Variants in GUCY1A2 observed in about 807,000 individuals in gnomAD.
GUCY1A2 encodes guanylate cyclase soluble subunit alpha-2.
A neutral mutation model predicts 63.5 loss-of-function variants in GUCY1A2; 27 were observed. The observed-to-expected ratio is 0.43, with a 90% CI of 0.31 to 0.59. The LOEUF (loss-of-function observed/expected upper bound fraction) is 0.59, where lower values mean the gene tolerates loss of function less well. Ranked by LOEUF, GUCY1A2 falls within the 20% of genes least tolerant of loss-of-function variation. The pLI, the probability that GUCY1A2 is intolerant of heterozygous loss-of-function variation, is 0.11. For missense variants in GUCY1A2, 768 were observed against 913.3 expected (o/e 0.84, Z 2.05); for synonymous variants, 364 against 343.5 (o/e 1.06, Z -0.66).
intron 4 of GUCY1A2, among the ~76,000 whole-genome samples, chr11:106,873,632 T>C (rs1299722017): frequency 6.6e-6 from 1 of 152,174 alleles, no homozygotes; most frequent in Non-Finnish European, 1.5e-5. Context: ...TTTTTTCTTG[T>C]AAATTTGTTT....
At chr11:106,813,159 C>A (rs1858786953) in intron 4 of GUCY1A2, among the ~76,000 whole-genome samples, 1 of 151,892 alleles carries the variant, frequency 6.6e-6, no homozygotes, top group Non-Finnish European at 1.5e-5. Context: ...GGTTTTATTG[C>A]ATCTTACATC....
chr11:106,791,057 G>A (rs1864650260), intron 5 of GUCY1A2, among the ~76,000 whole-genome samples: 1 of 152,144 alleles, frequency 6.6e-6, no homozygotes, highest in Admixed American at 6.5e-5. Flanking sequence ...ACTAAAACTT[G>A]CAGTACTTGT....
intron 6 of GUCY1A2, among the ~76,000 whole-genome samples, chr11:106,731,019 C>T (rs1258421999): frequency 6.6e-6 from 1 of 151,864 alleles, no homozygotes; most frequent in African/African-American, 2.4e-5. Flanking sequence ...AGATATTAGA[C>T]CTTATATTTT....
At chr11:106,810,799 C>T (rs542248427) in intron 4 of GUCY1A2, among the ~76,000 whole-genome samples, 2 of 152,102 alleles carry the variant, frequency 1.3e-5, no homozygotes, top group South Asian at 4.2e-4. Flanking sequence ...GTTTATGAGC[C>T]AATTCAAAAG....
At chr11:106,863,566 G>C (rs1386154764) in intron 4 of GUCY1A2, among the ~76,000 whole-genome samples, 1 of 151,864 alleles carries the variant, frequency 6.6e-6, no homozygotes, top group Non-Finnish European at 1.5e-5. Context: ...CTGATGTCAG[G>C]TAGCACGCCT....
chr11:106,839,430 C>T (rs962432223), intron 4 of GUCY1A2, among the ~76,000 whole-genome samples: 15 of 151,630 alleles, frequency 9.9e-5, no homozygotes, highest in Non-Finnish European at 1.5e-4. Flanking sequence ...ACCAGTTCAA[C>T]CGTTGTGGAA....
chr11:106,769,318 G>A lies in GUCY1A2; in HGVS notation c.1836+7121C>T, dbSNP rs114077963. ...AAAAACGGTATGAAAAATTTTGTCAGACAAATGGAACTGCAAAACACTATA... is the reference window on the plus strand; with the variant it reads ...AAAAACGGTATGAAAAATTTTGTCAAACAAATGGAACTGCAAAACACTATA... On this transcript the variant is annotated intron_variant, in intron 6 of 7. Coordinates refer to ENST00000526355, the MANE Select transcript of GUCY1A2 (RefSeq NM_000855.3). 6.3e-3 allele frequency among the ~76,000 whole-genome samples: 956 copies of A among 152,154 alleles called. 11 individuals carry two copies. The highest frequency in any genetic ancestry group is 0.022 in the African/African-American group (904 of 41,528).
chr11:106,952,477 G>A (rs968450952), intron 3 of GUCY1A2, among the ~76,000 whole-genome samples: 8 of 151,898 alleles, frequency 5.3e-5, no homozygotes, highest in Non-Finnish European at 1.2e-4. Context: ...TGTATTCCTA[G>A]GTATTTTATT....
rs669844 is a variant in GUCY1A2, at chr11:106,696,409, C to G, written c.1992-8653G>C. ...ATTTTTCACTTCTCTGACCAAAAGTCTTTCTTAAAAACAAGTTCATCATTG... is the reference window on the plus strand; with the variant it reads ...ATTTTTCACTTCTCTGACCAAAAGTGTTTCTTAAAAACAAGTTCATCATTG... On this transcript the variant is annotated intron_variant, in intron 7 of 7. Transcript: ENST00000526355. Among the ~76,000 whole-genome samples the G allele has an allele frequency of 5.7e-3, 868 of 152,250 alleles. 7 individuals carry two copies. Among genetic ancestry groups the G allele is most frequent in the Middle Eastern group, 0.017 (5 of 294 alleles).
chr11:106,943,560 C>A (rs1005362497), intron 3 of GUCY1A2, among the ~76,000 whole-genome samples: 1 of 152,212 alleles, frequency 6.6e-6, no homozygotes, highest in African/African-American at 2.4e-5. Context: ...CTATCCCACC[C>A]CACCTCAGAT....
At chr11:106,920,596 ATTAAACATTTCCATTTGT>A (rs1245565241) in intron 4 of GUCY1A2, among the ~76,000 whole-genome samples, 5 of 152,120 alleles carry the variant, frequency 3.3e-5, no homozygotes, top group East Asian at 1.9e-4. Flanking sequence ...TGTTTAATGG[ATTAAACATTTCCATTTGT>A]TTAAACATTT....
At chr11:106,751,005 T>C (rs1016731258) in intron 6 of GUCY1A2, among the ~76,000 whole-genome samples, 2 of 152,044 alleles carry the variant, frequency 1.3e-5, no homozygotes, top group African/African-American at 4.8e-5. Context: ...TGAAATAAAA[T>C]GATGATGCCT....
chr11:107,002,284 C>T (rs972846531), intron 1 of GUCY1A2, among the ~76,000 whole-genome samples: 2 of 151,842 alleles, frequency 1.3e-5, no homozygotes, highest in Non-Finnish European at 2.9e-5. Context: ...CCTAATACCT[C>T]GAGAGTTCCC....
At chr11:106,931,941 T>TA (rs1860608330) in intron 4 of GUCY1A2, among the ~76,000 whole-genome samples, 1 of 152,130 alleles carries the variant, frequency 6.6e-6, no homozygotes, top group Non-Finnish European at 1.5e-5. Context: ...ATTATTGCAC[T>TA]GTATACTTAC....
At chr11:106,920,264 G>C (rs536232834) in intron 4 of GUCY1A2, among the ~76,000 whole-genome samples, 5 of 152,146 alleles carry the variant, frequency 3.3e-5, no homozygotes, top group African/African-American at 1.2e-4. Context: ...AGTGGATGCA[G>C]GGAGTTCCCC....
At chr11:106,963,756 T>C (rs1861089861) in intron 3 of GUCY1A2, among the ~76,000 whole-genome samples, 2 of 152,216 alleles carry the variant, frequency 1.3e-5, no homozygotes, top group African/African-American at 4.8e-5. Flanking sequence ...TGCAAACTCT[T>C]AAACTCACTT....
chr11:106,780,131 A>G (rs1226457666), intron 5 of GUCY1A2, among the ~76,000 whole-genome samples: 1 of 152,170 alleles, frequency 6.6e-6, no homozygotes. Flanking sequence ...ACTGCACTCC[A>G]GACTGGGTGA....
chr11:107,012,958 T>C (rs1190880074), intron 1 of GUCY1A2, among the ~76,000 whole-genome samples: 2 of 151,938 alleles, frequency 1.3e-5, no homozygotes, highest in Non-Finnish European at 2.9e-5. Context: ...TCAAGGTTTA[T>C]ACATGTCAGA....
intron 6 of GUCY1A2, among the ~76,000 whole-genome samples, chr11:106,725,394 G>A (rs1863390097): frequency 6.9e-6 from 1 of 145,614 alleles, no homozygotes; most frequent in South Asian, 2.2e-4. Context: ...GGATGGTCTC[G>A]ATCTCCTGAC....
Sources: allele counts gnomAD v4.1 joint callset (sites outside exome capture counted in the v4.1 genomes callset), GRCh38; gene constraint gnomAD v4.1.1; transcripts MANE v1.5; gene names NCBI Gene and HGNC (gene_info 2026-07-23, HGNC 2026-07-21).